Variants in C12orf42 observed in about 807,000 individuals in gnomAD.
The protein encoded by C12orf42 is uncharacterized protein C12orf42.
A neutral mutation model predicts 21.6 loss-of-function variants in C12orf42; 25 were observed. That is an observed-to-expected ratio of 1.16 (90% CI 0.84 to 1.62). The LOEUF is 1.62. Among genes scored for constraint, C12orf42 ranks in the 40% most tolerant of loss-of-function variants. The pLI is 0.00. For synonymous variants in C12orf42, 174 were observed against 175.0 expected (o/e 0.99, Z 0.05); for missense variants, 483 against 459.3 (o/e 1.05, Z -0.47).
At chr12:103,521,534 G>A in the C12orf42 span, among the ~76,000 whole-genome samples, 7 of 152,128 alleles carry the variant, frequency 4.6e-5, no homozygotes, top group Non-Finnish European at 7.4e-5. Context: ...CTGTTGGGGT[G>A]AGTGGTGGGA....
At chr12:103,309,124 G>A (rs1440108121) in intron 4 of C12orf42, among the ~76,000 whole-genome samples, 1 of 152,108 alleles carries the variant, frequency 6.6e-6, no homozygotes, top group Non-Finnish European at 1.5e-5. Context: ...TCTTATAGCA[G>A]CCCTAGAAAA....
the C12orf42 span, among the ~76,000 whole-genome samples, chr12:103,163,298 C>T: frequency 6.6e-6 from 1 of 152,140 alleles, no homozygotes; most frequent in African/African-American, 2.4e-5. Flanking sequence ...TCATCTAGAT[C>T]CAATCAATGG....
At chr12:103,540,327 A>G in the C12orf42 span, among the ~76,000 whole-genome samples, 2 of 152,110 alleles carry the variant, frequency 1.3e-5, no homozygotes, top group East Asian at 3.8e-4. Context: ...TCTCATCTGC[A>G]CTTCTTAATT....
At chr12:103,528,307 T>C in the C12orf42 span, among the ~76,000 whole-genome samples, 3 of 152,238 alleles carry the variant, frequency 2.0e-5, no homozygotes, top group Non-Finnish European at 4.4e-5. Flanking sequence ...CAGTGTCATA[T>C]AGCTTACAAG....
intron 2 of C12orf42, among the ~76,000 whole-genome samples, chr12:103,465,948 C>A (rs10861020): frequency 6.6e-6 from 1 of 151,976 alleles, no homozygotes; most frequent in Admixed American, 6.6e-5. Flanking sequence ...GGATGAAGCC[C>A]ACTTGATCAT....
chr12:103,518,720 C>G, the C12orf42 span, among the ~76,000 whole-genome samples: 1 of 152,098 alleles, frequency 6.6e-6, no homozygotes, highest in African/African-American at 2.4e-5. Context: ...TCTATGAATT[C>G]CAATCTATCT....
chr12:103,213,756 G>A, the C12orf42 span, among the ~76,000 whole-genome samples: 84 of 152,316 alleles, frequency 5.5e-4, no homozygotes, highest in South Asian at 1.2e-3. Flanking sequence ...GAAAGTTTCC[G>A]ATTGCTGCAG....
chr12:103,320,474 A>C (rs2039980755), intron 4 of C12orf42, among the ~76,000 whole-genome samples: 1 of 152,210 alleles, frequency 6.6e-6, no homozygotes. Context: ...AGTTAGTAAA[A>C]GAGAACTTAC....
intron 1 of C12orf42, among the ~76,000 whole-genome samples, chr12:103,484,100 T>A (rs544555141): frequency 5.4e-4 from 82 of 152,346 alleles, no homozygotes; most frequent in African/African-American, 1.9e-3. Context: ...TTTGCTATTA[T>A]GAATAGTGCC....
At chr12:103,538,050 G>C in the C12orf42 span, among the ~76,000 whole-genome samples, 7 of 152,186 alleles carry the variant, frequency 4.6e-5, no homozygotes, top group Admixed American at 1.3e-4. Flanking sequence ...AAAGAAAAAA[G>C]CTTAAAGTCT....
At chr12:103,493,130 C>T (rs1955288556) in intron 1 of C12orf42, among the ~76,000 whole-genome samples, 1 of 152,210 alleles carries the variant, frequency 6.6e-6, no homozygotes, top group South Asian at 2.1e-4. Flanking sequence ...TTCTACAAAG[C>T]AGAGGTAGTG....
chr12:103,362,929 G>A (rs1158429046), intron 4 of C12orf42, among the ~76,000 whole-genome samples: 1 of 152,058 alleles, frequency 6.6e-6, no homozygotes, highest in Non-Finnish European at 1.5e-5. Flanking sequence ...ATATCTGGGG[G>A]AATAACTGAG....
chr12:103,468,563 A>G lies in C12orf42; in HGVS notation c.78+9786T>C, dbSNP rs146563964. Among the ~76,000 whole-genome samples, 373 of 152,294 alleles carry G rather than the reference A, an allele frequency of 2.4e-3. 1 individual carries two copies. Among genetic ancestry groups the G allele is most frequent in the Middle Eastern group, 0.014 (4 of 294 alleles). ...AAAATTCTCATTGTTTTTAATTCAG[A>G]TATCTTTTACTCTGGACTAAGAGGC... On this transcript the variant is annotated intron_variant, in intron 2 of 5. Transcript: ENST00000548883.
the C12orf42 span, among the ~76,000 whole-genome samples, chr12:103,221,339 G>T: frequency 1.3e-5 from 2 of 152,138 alleles, no homozygotes; most frequent in African/African-American, 4.8e-5. Context: ...CAAACTCTAT[G>T]AGATGAGCAC....
chr12:103,327,304 T>C (rs1234312539), intron 4 of C12orf42, among the ~76,000 whole-genome samples: 3 of 152,204 alleles, frequency 2.0e-5, no homozygotes, highest in Non-Finnish European at 2.9e-5. Flanking sequence ...ACAGGTATTC[T>C]GGGCATAGGG....
At chr12:103,233,741 T>C (rs1219747611), downstream of C12orf42, among the ~76,000 whole-genome samples, 14 of 152,164 alleles carry the variant, frequency 9.2e-5, 1 homozygote, top group Admixed American at 9.2e-4. Flanking sequence ...TTACAGATAT[T>C]TTTACAGAGA....
chr12:103,089,620 T>A, the C12orf42 span, among the ~76,000 whole-genome samples: 1 of 26,878 alleles, frequency 3.7e-5, no homozygotes, highest in Non-Finnish European at 6.5e-5. Context: ...TGTGTGTGTC[T>A]GTGTGTGTGT....
the C12orf42 span, among the ~76,000 whole-genome samples, chr12:103,517,366 G>T: frequency 1.3e-5 from 2 of 152,088 alleles, no homozygotes; most frequent in Non-Finnish European, 1.5e-5. Flanking sequence ...TGCAGAAACC[G>T]CACCATGAAT....
the C12orf42 span, among the ~76,000 whole-genome samples, chr12:103,117,862 C>G: frequency 6.6e-6 from 1 of 152,196 alleles, no homozygotes; most frequent in Non-Finnish European, 1.5e-5. Flanking sequence ...TACTCCCCAG[C>G]TTATTAGCCT....
Sources: gnomAD v4.1 joint callset for allele counts (sites outside exome capture counted in the v4.1 genomes callset) on GRCh38, gnomAD v4.1.1 for gene constraint, MANE v1.5 for transcripts, NCBI Gene and HGNC (gene_info 2026-07-23, HGNC 2026-07-21) for gene names.